GCC2: variants seen among roughly 807,000 people sequenced by gnomAD.
The protein encoded by GCC2 is GRIP and coiled-coil domain containing 2, also known as GRIP and coiled-coil domain-containing protein 2.
In GCC2, 120 loss-of-function variants were observed where a neutral mutation model predicts 210.6. The observed-to-expected ratio is 0.57, with a 90% CI of 0.49 to 0.66. The LOEUF is 0.66. GCC2 is among the 30% of genes least tolerant of loss of function. The pLI is 0.00. For synonymous variants in GCC2, 703 were observed against 652.7 expected (o/e 1.08, Z -1.17); for missense variants, 1,868 against 1,871.9 (o/e 1.00, Z 0.04).
At chr2:108,457,897 A>G (rs1680353584) in intron 4 of GCC2, among the ~76,000 whole-genome samples, 1 of 152,084 alleles carries the variant, frequency 6.6e-6, no homozygotes, top group South Asian at 2.1e-4. Flanking sequence ...CCATGTTTCC[A>G]GTTTGGATGT....
chr2:108,483,679 G>A (rs1348442537), intron 12 of GCC2, among the ~76,000 whole-genome samples: 1 of 152,178 alleles, frequency 6.6e-6, no homozygotes, highest in African/African-American at 2.4e-5. Context: ...CTAGGCTCCT[G>A]AGTTACAAGA....
At position 108,487,656 on chromosome 2, in the gene GCC2, C is replaced by G. The variant is rs200266194; in HGVS notation, c.3931-43C>G. 28 of 1,542,722 alleles carry G rather than the reference C, an allele frequency of 1.8e-5. No homozygotes were observed. The East Asian group carries it at 4.2e-4, about 23-fold the overall frequency. ...AATCTCTGAAAGAAAATAGAAGGAC[C>G]CTGTTACAGTAGAAAAACGTTTCTC... On this transcript the variant is annotated intron_variant, in intron 16 of 22. Coordinates refer to ENST00000309863, the MANE Select transcript of GCC2 (RefSeq NM_181453.4).
intron 7 of GCC2, chr2:108,474,759 A>G (rs887299092): frequency 1.3e-5 from 2 of 152,160 alleles, no homozygotes; most frequent in African/African-American, 4.8e-5. Flanking sequence ...TCTTGATGAT[A>G]ATTTTTCTTG....
rs961545411 is a variant in GCC2, at chr2:108,481,789, A to G, written c.3153A>G (p.Thr1051=). The stretch of plus-strand genomic sequence containing the variant: ...TTGAGCATCGTATTGAAGACCTTAC[A>G]AGACAATTAAGAAATTCGACTTTGC... The part of the protein sequence containing the change: ...NNFEHRIEDL[T]RQLRNSTLQC... The change falls in exon 10 of 23, where the codon ACA becomes ACG. Residue 1051 remains threonine (T), a synonymous_variant. Transcript: ENST00000309863. 1.9e-6 allele frequency: 3 copies of G among 1,578,702 alleles called. No homozygotes were observed. The highest frequency in any genetic ancestry group is 1.4e-5 in the African/African-American group (1 of 73,434).
chr2:108,494,459 T>A (rs1252092397), intron 19 of GCC2: 1 of 152,134 alleles, frequency 6.6e-6, no homozygotes, highest in Non-Finnish European at 1.5e-5. Flanking sequence ...TGCCCTGGAT[T>A]CTGGGCTCTT....
At chr2:108,469,255 G>A in intron 5 of GCC2, 171 bp downstream of exon 5, 1 of 474,040 alleles carries the variant, frequency 2.1e-6, no homozygotes, top group Admixed American at 3.6e-5. Context: ...TAACTATACA[G>A]CAACAGAGGT....
At chr2:108,469,247 A>G in intron 5 of GCC2, 163 bp downstream of exon 5, 2 of 499,358 alleles carry the variant, frequency 4.0e-6, no homozygotes, top group South Asian at 7.4e-5. Context: ...GAATCACCTA[A>G]CTATACAGCA....
intron 4 of GCC2, among the ~76,000 whole-genome samples, chr2:108,468,054 T>G (rs1337327442): frequency 7.4e-6 from 1 of 134,558 alleles, no homozygotes; most frequent in African/African-American, 2.8e-5. Flanking sequence ...TTATTCATAA[T>G]AATTTTCTTT....
intron 16 of GCC2, among the ~76,000 whole-genome samples, 155 bp downstream of exon 16, chr2:108,486,803 A>G (rs998281527): frequency 2.0e-5 from 3 of 152,180 alleles, no homozygotes; most frequent in African/African-American, 4.8e-5. Flanking sequence ...TTTAACCCCA[A>G]TCCCATGCCA....
At chr2:108,506,173 C>A (rs1446575009) in intron 22 of GCC2, among the ~76,000 whole-genome samples, 1 of 152,150 alleles carries the variant, frequency 6.6e-6, no homozygotes, top group African/African-American at 2.4e-5. Context: ...AACCTGTACA[C>A]AATTATTCAT....
At chr2:108,457,246 T>C (rs182117837) in intron 4 of GCC2, among the ~76,000 whole-genome samples, 11 of 152,326 alleles carry the variant, frequency 7.2e-5, no homozygotes, top group Admixed American at 3.3e-4. Context: ...TAAGAGGGTG[T>C]CGTTTGCCCA....
intron 9 of GCC2, among the ~76,000 whole-genome samples, chr2:108,476,752 C>G (rs1681550435): frequency 1.3e-5 from 2 of 152,098 alleles, no homozygotes; most frequent in South Asian, 4.2e-4. Context: ...AGTTCTGGGG[C>G]AGGTTGGAGG....
Position 108,469,938 on chromosome 2 carries a change from G to C in GCC2, c.609G>C (p.Lys203Asn). The C allele has an allele frequency of 6.2e-7, 1 of 1,613,546 alleles. No homozygotes were observed. Among genetic ancestry groups the C allele is most frequent in the Non-Finnish European group, 8.5e-7 (1 of 1,179,736 alleles). Residue 203 changes from lysine (K) to asparagine (N), a missense_variant, in exon 6 of 23, where the codon AAG (lysine) becomes AAC (asparagine). Lys to Asn is a moderately conservative substitution (Grantham distance 94). Around this residue, in one of 3 missense-constraint regions of GCC2, gnomAD observed 1,847 missense variants for 1,765.2 expected, o/e 1.05. Transcript: ENST00000309863. ...GFEEQILYLQ[K>N]QLDATTDEKK... ...AGGAGCAAATTTTATATCTGCAAAA[G>C]CAATTAGACGCTACCACTGATGAAA...
rs372074612 is a variant in GCC2, at chr2:108,471,339, G to C, written c.2010G>C (p.Met670Ile). 1.9e-6 allele frequency: 3 copies of C among 1,611,622 alleles called. No individual in the cohort carries two copies. The highest frequency in any genetic ancestry group is 2.7e-5 in the African/African-American group (2 of 74,740). ...ATGACCAAAAACTAGAAAAACTTAT[G>C]GTTCAAATGAAAGTTCTCTCTGAAG... is the stretch of plus-strand genomic sequence containing the variant. ...DQNDQKLEKL[M>I]VQMKVLSEDK... Residue 670 changes from methionine (M) to isoleucine (I), a missense_variant, in exon 6 of 23, where the codon ATG (methionine) becomes ATC (isoleucine). By Grantham distance (10) the Met-to-Ile change is conservative. Around this residue, in one of 3 missense-constraint regions of GCC2, gnomAD observed 1,847 missense variants for 1,765.2 expected, o/e 1.05. Coordinates refer to ENST00000309863, the MANE Select transcript of GCC2 (RefSeq NM_181453.4).
At chr2:108,477,041 C>T (rs1018719839) in intron 9 of GCC2, among the ~76,000 whole-genome samples, 2 of 152,136 alleles carry the variant, frequency 1.3e-5, no homozygotes, top group Non-Finnish European at 2.9e-5. Context: ...ACTATCAGTT[C>T]TCAGATTGGT....
At chr2:108,476,960 G>A (rs1315949780) in intron 9 of GCC2, among the ~76,000 whole-genome samples, 1 of 152,114 alleles carries the variant, frequency 6.6e-6, no homozygotes, top group Non-Finnish European at 1.5e-5. Context: ...ATCTTAGGAA[G>A]CACTTAAATG....
rs373554463 is a variant in GCC2, at chr2:108,469,753, C to T, written c.424C>T (p.Arg142Cys). 1.8e-5 allele frequency: 29 copies of T among 1,613,198 alleles called. No individual in the cohort carries two copies. The highest frequency in any genetic ancestry group is 2.4e-5 in the Non-Finnish European group (28 of 1,179,416). The change falls in exon 6 of 23, where the codon CGT (arginine) becomes TGT (cysteine). Residue 142 changes from arginine (R) to cysteine (C), a missense_variant. Arg to Cys is a radical substitution (Grantham distance 180). Coordinates refer to ENST00000309863, the MANE Select transcript of GCC2 (RefSeq NM_181453.4). Reference protein sequence around the residue: ...ENLKNELMAVRSKYSEDKANL... With the variant: ...ENLKNELMAVCSKYSEDKANL... The stretch of plus-strand genomic sequence containing the variant: ...TTTGAAAAATGAGTTGATGGCAGTA[C>T]GTTCCAAATACAGTGAAGACAAAGC...
At position 108,509,383 on chromosome 2, in the gene GCC2, AAT is replaced by A. The variant is rs1395055319; in HGVS notation, c.*1756_*1757del. The A allele has an allele frequency of 6.6e-6, 1 of 152,200 alleles. No individual in the cohort carries two copies. Among genetic ancestry groups the A allele is most frequent in the Non-Finnish European group, 1.5e-5 (1 of 68,032 alleles). 9.4% of individuals were successfully genotyped at this position (152,200 alleles called of 1,614,324 possible). A position where few individuals can be genotyped will look rare whatever the true frequency, so the allele number is the denominator to read the frequency against. On this transcript the variant is annotated 3_prime_UTR_variant, in exon 23 of 23. Transcript: ENST00000309863. ...AATGATTATTTTAATATTTCTATTA[AAT>A]ATGTTTAACTGTATATTTTTATGGC...
chr2:108,507,705 C>G lies in GCC2; in HGVS notation c.*75C>G, dbSNP rs2104527341. 1 of 1,056,342 alleles carries G rather than the reference C, an allele frequency of 9.5e-7. No individual in the cohort carries two copies. Among genetic ancestry groups the G allele is most frequent in the South Asian group, 1.4e-5 (1 of 73,826 alleles). The allele number at this position is 1,056,342 out of a possible 1,614,324, so 65.4% of individuals were successfully genotyped here. A position where few individuals can be genotyped will look rare whatever the true frequency, so the allele number is the denominator to read the frequency against. Reference sequence around the variant, plus strand: ...ATGGTTCACGTATATTACCACAATTCTTTTGTCAAAAAGTGTGTATATATG... The same window carrying G: ...ATGGTTCACGTATATTACCACAATTGTTTTGTCAAAAAGTGTGTATATATG... On this transcript the variant is annotated 3_prime_UTR_variant, in exon 23 of 23. Transcript: ENST00000309863.
Sources: allele counts gnomAD v4.1 joint callset (sites outside exome capture counted in the v4.1 genomes callset), GRCh38; gene constraint gnomAD v4.1.1; regional missense constraint gnomAD v4.1.1; transcripts MANE v1.5; gene names NCBI Gene and HGNC (gene_info 2026-07-23, HGNC 2026-07-21).